Variants in NKAIN3 observed in about 807,000 individuals in gnomAD.
NKAIN3 encodes the protein sodium/potassium transporting ATPase interacting 3, also known as sodium/potassium-transporting ATPase subunit beta-1-interacting protein 3.
In NKAIN3, 25 loss-of-function variants were observed where a neutral mutation model predicts 30.2. That is an observed-to-expected ratio of 0.83 (90% CI 0.60 to 1.16). NKAIN3 has a LOEUF of 1.16. Among genes scored for constraint, NKAIN3 ranks in the 50% most tolerant of loss-of-function variants. The pLI is 0.00. For synonymous variants in NKAIN3, 91 were observed against 89.6 expected (o/e 1.02, Z -0.09); for missense variants, 225 against 254.1 (o/e 0.89, Z 0.78).
chr8:62,405,665 C>T (rs1804040969), intron 1 of NKAIN3, among the ~76,000 whole-genome samples: 1 of 152,188 alleles, frequency 6.6e-6, no homozygotes, highest in South Asian at 2.1e-4. Context: ...GGTTGCCTTT[C>T]CTACCCTCTT....
At chr8:62,594,233 A>G (rs1454358420) in intron 3 of NKAIN3, among the ~76,000 whole-genome samples, 1 of 152,052 alleles carries the variant, frequency 6.6e-6, no homozygotes, top group African/African-American at 2.4e-5. Flanking sequence ...CAGAAAATAG[A>G]GGAGGAGGGA....
At chr8:62,645,449 A>C (rs933165723) in intron 3 of NKAIN3, among the ~76,000 whole-genome samples, 1 of 152,180 alleles carries the variant, frequency 6.6e-6, no homozygotes, top group Non-Finnish European at 1.5e-5. Context: ...TGTAGGGAGA[A>C]TACTCAGTTT....
At chr8:62,598,871 G>A (rs1426970463) in intron 3 of NKAIN3, among the ~76,000 whole-genome samples, 1 of 152,030 alleles carries the variant, frequency 6.6e-6, no homozygotes, top group Admixed American at 6.6e-5. Flanking sequence ...TCCAGCTGTT[G>A]TCCACCTGCT....
intron 1 of NKAIN3, among the ~76,000 whole-genome samples, chr8:62,398,572 C>T (rs115132631): frequency 6.6e-6 from 1 of 152,192 alleles, no homozygotes; most frequent in East Asian, 1.9e-4. Flanking sequence ...TAAAAGTTTC[C>T]AAGTGAGAAT....
chr8:62,518,993 A>G (rs185856424), intron 1 of NKAIN3, among the ~76,000 whole-genome samples: 43 of 152,096 alleles, frequency 2.8e-4, no homozygotes, highest in African/African-American at 1.0e-3. Flanking sequence ...AGCTTTCACA[A>G]TGTGTGAAGT....
chr8:62,744,832 T>C (rs1816016275), intron 3 of NKAIN3, among the ~76,000 whole-genome samples: 1 of 152,228 alleles, frequency 6.6e-6, no homozygotes, highest in Admixed American at 6.5e-5. Flanking sequence ...ACCTAAACGT[T>C]TTATTATCAA....
chr8:62,961,577 G>A (rs1823570347), intron 6 of NKAIN3, among the ~76,000 whole-genome samples: 1 of 151,956 alleles, frequency 6.6e-6, no homozygotes, highest in East Asian at 1.9e-4. Context: ...TGGTTTGCTT[G>A]GTTTTAAAAC....
chr8:62,708,872 T>C (rs1814625419), intron 3 of NKAIN3, among the ~76,000 whole-genome samples: 1 of 152,208 alleles, frequency 6.6e-6, no homozygotes, highest in Non-Finnish European at 1.5e-5. Context: ...CATAGATGGC[T>C]TTTATTACAT....
chr8:62,788,230 C>T (rs933726637), intron 4 of NKAIN3, among the ~76,000 whole-genome samples: 9 of 152,206 alleles, frequency 5.9e-5, no homozygotes, highest in African/African-American at 9.6e-5. Flanking sequence ...GATCGCCATT[C>T]TAACTGGTGT....
At chr8:62,628,785 C>T (rs1323776910) in intron 3 of NKAIN3, among the ~76,000 whole-genome samples, 1 of 152,060 alleles carries the variant, frequency 6.6e-6, no homozygotes, top group Non-Finnish European at 1.5e-5. Context: ...AGACAACATC[C>T]TATTCAAGAT....
chr8:62,682,593 C>T (rs1178825888), intron 3 of NKAIN3, among the ~76,000 whole-genome samples: 3 of 152,086 alleles, frequency 2.0e-5, no homozygotes, highest in Non-Finnish European at 2.9e-5. Flanking sequence ...GGGTGCTGCT[C>T]GCCCACTGCC....
intron 3 of NKAIN3, among the ~76,000 whole-genome samples, chr8:62,725,384 C>T (rs1396842485): frequency 6.6e-6 from 1 of 151,928 alleles, no homozygotes; most frequent in Admixed American, 6.6e-5. Flanking sequence ...TGATATGATC[C>T]CAATTGCCCA....
chr8:62,421,085 G>A (rs1417680565), intron 1 of NKAIN3, among the ~76,000 whole-genome samples: 2 of 152,172 alleles, frequency 1.3e-5, no homozygotes, highest in Non-Finnish European at 2.9e-5. Flanking sequence ...GCACAAGGTT[G>A]AGGATTATAA....
In NKAIN3 at chr8:62,980,560, C is replaced by T. The variant is rs1824052963; in HGVS notation, c.*15153C>T. ...GTTGTGTTGTGCAGCCTTTTCTTTG[C>T]ATTGTCCAGGGGTTTTGTTATTACA... On this transcript the variant is annotated 3_prime_UTR_variant, in exon 7 of 7. Coordinates refer to ENST00000623646, the MANE Select transcript of NKAIN3 (RefSeq NM_001304533.3). 6.6e-6 allele frequency: 1 copy of T among 152,170 alleles called. No homozygotes were observed. The highest frequency in any genetic ancestry group is 6.5e-5 in the Admixed American group (1 of 15,272). The allele number at this position is 152,170 out of a possible 1,614,324, so 9.4% of individuals were successfully genotyped here.
intron 5 of NKAIN3, among the ~76,000 whole-genome samples, chr8:62,934,659 C>A (rs555885360): frequency 3.2e-4 from 49 of 152,122 alleles, no homozygotes; most frequent in African/African-American, 1.2e-3. Context: ...AGGAGATCCT[C>A]ACAGAATAAC....
chr8:62,297,211 T>G (rs1369712340), intron 1 of NKAIN3, among the ~76,000 whole-genome samples: 1 of 152,090 alleles, frequency 6.6e-6, no homozygotes, highest in African/African-American at 2.4e-5. Context: ...CTTAAAACCA[T>G]AAAAACCCTA....
At chr8:62,297,849 T>C (rs1585649798) in intron 1 of NKAIN3, among the ~76,000 whole-genome samples, 1 of 152,308 alleles carries the variant, frequency 6.6e-6, no homozygotes, top group East Asian at 1.9e-4. Flanking sequence ...TTATAAATCA[T>C]GCTGCTATAA....
intron 1 of NKAIN3, among the ~76,000 whole-genome samples, chr8:62,552,943 G>A (rs1218473415): frequency 1.3e-5 from 2 of 152,198 alleles, no homozygotes; most frequent in Non-Finnish European, 2.9e-5. Flanking sequence ...TTGCCATGGA[G>A]AGATGGCTAT....
intron 1 of NKAIN3, among the ~76,000 whole-genome samples, chr8:62,533,670 T>G (rs1369618554): frequency 1.3e-5 from 2 of 152,234 alleles, no homozygotes; most frequent in Non-Finnish European, 2.9e-5. Context: ...TTTGTAAAAT[T>G]GCTCTCCCCT....
Sources: gnomAD v4.1 joint callset for allele counts (sites outside exome capture counted in the v4.1 genomes callset) on GRCh38, gnomAD v4.1.1 for gene constraint, MANE v1.5 for transcripts, NCBI Gene and HGNC (gene_info 2026-07-23, HGNC 2026-07-21) for gene names.